RSPO3: variants seen among roughly 807,000 people sequenced by gnomAD.
RSPO3 encodes the protein R-spondin-3.
Under a neutral mutation model 36.5 loss-of-function variants are expected in RSPO3, and 17 were observed. The observed-to-expected ratio is 0.47, with a 90% CI of 0.32 to 0.70. The LOEUF (loss-of-function observed/expected upper bound fraction) is 0.70, where lower values mean the gene tolerates loss of function less well. RSPO3 is among the 30% of genes least tolerant of loss of function. RSPO3 has a pLI of 0.04. For missense variants in RSPO3, 294 were observed against 322.5 expected, an observed-to-expected ratio of 0.91 and a Z score of 0.68; for synonymous variants, 108 against 107.0, an observed-to-expected ratio of 1.01 and a Z score of -0.06.
chr6:127,149,603 C>G (rs1012162255), intron 2 of RSPO3, among the ~76,000 whole-genome samples: 1 of 152,034 alleles, frequency 6.6e-6, no homozygotes, highest in Admixed American at 6.6e-5. Context: ...CCAAAATAAT[C>G]AGCCTGTTCC....
intron 1 of RSPO3, among the ~76,000 whole-genome samples, chr6:127,130,467 C>G (rs534263823): frequency 6.6e-6 from 1 of 152,128 alleles, no homozygotes; most frequent in African/African-American, 2.4e-5. Context: ...TTTTTCTGGC[C>G]AGCTTTTTCT....
At chr6:127,189,240 C>G (rs1046388985) in intron 4 of RSPO3, among the ~76,000 whole-genome samples, 1 of 151,838 alleles carries the variant, frequency 6.6e-6, no homozygotes, top group Non-Finnish European at 1.5e-5. Flanking sequence ...TGTAAATAGT[C>G]CAGCCTAGGA....
At chr6:127,175,118 C>G (rs553563928) in intron 4 of RSPO3, among the ~76,000 whole-genome samples, 1 of 151,804 alleles carries the variant, frequency 6.6e-6, no homozygotes, top group Non-Finnish European at 1.5e-5. Context: ...TTTCAATGCT[C>G]ATTCTCTTTA....
chr6:127,149,161 T>G (rs1485140372), intron 2 of RSPO3, among the ~76,000 whole-genome samples: 1 of 152,118 alleles, frequency 6.6e-6, no homozygotes, highest in Non-Finnish European at 1.5e-5. Flanking sequence ...AATCCAAGTA[T>G]TGACTAACTT....
At chr6:127,187,905 G>T (rs1028565862) in intron 4 of RSPO3, among the ~76,000 whole-genome samples, 1 of 151,920 alleles carries the variant, frequency 6.6e-6, no homozygotes, top group Admixed American at 6.6e-5. Context: ...AGTAAAATTC[G>T]TAAACATTGC....
intron 4 of RSPO3, among the ~76,000 whole-genome samples, chr6:127,169,270 C>T (rs952529238): frequency 1.3e-5 from 2 of 151,520 alleles, no homozygotes; most frequent in African/African-American, 4.8e-5. Flanking sequence ...ACAACTTCTC[C>T]TTCTCAGATG....
At chr6:127,153,726 A>G (rs2114589966) in intron 3 of RSPO3, among the ~76,000 whole-genome samples, 1 of 152,200 alleles carries the variant, frequency 6.6e-6, no homozygotes, top group East Asian at 1.9e-4. Context: ...AGTCCTCTTA[A>G]TTCTGGAATT....
rs1016465293 is a variant in RSPO3, at chr6:127,198,915, C to T, written c.*2908C>T. Among the ~76,000 whole-genome samples, 1 of 152,206 alleles carries T rather than the reference C, an allele frequency of 6.6e-6. No homozygotes were observed. The highest frequency in any genetic ancestry group is 2.4e-5 in the African/African-American group (1 of 41,452). On this transcript the variant is annotated 3_prime_UTR_variant, in exon 5 of 5. Coordinates refer to ENST00000356698, the MANE Select transcript of RSPO3 (RefSeq NM_032784.5). Reference sequence around the variant, plus strand: ...TTTCTCAAAAGTGAAAATGTATAGGCTCTCAGAGGAGACAGATTTAACTCT... The same window carrying T: ...TTTCTCAAAAGTGAAAATGTATAGGTTCTCAGAGGAGACAGATTTAACTCT...
intron 1 of RSPO3, among the ~76,000 whole-genome samples, chr6:127,137,681 G>C (rs17755538): frequency 0.07 from 10,595 of 152,132 alleles, 514 homozygotes; most frequent in Non-Finnish European, 0.11. Context: ...CCTACATAAA[G>C]CATTTTGTTC....
At chr6:127,154,786 T>C (rs1774560062) in intron 3 of RSPO3, among the ~76,000 whole-genome samples, 1 of 152,122 alleles carries the variant, frequency 6.6e-6, no homozygotes, top group Non-Finnish European at 1.5e-5. Context: ...TGGGGGCTAA[T>C]GGAGAAAGGT....
intron 1 of RSPO3, among the ~76,000 whole-genome samples, chr6:127,122,324 T>C (rs1773861923): frequency 6.6e-6 from 1 of 152,236 alleles, no homozygotes; most frequent in Non-Finnish European, 1.5e-5. Context: ...CTATTTGAAT[T>C]GGTATACAGC....
At chr6:127,138,038 T>A (rs1774195818) in intron 1 of RSPO3, among the ~76,000 whole-genome samples, 2 of 152,166 alleles carry the variant, frequency 1.3e-5, no homozygotes, top group African/African-American at 4.8e-5. Context: ...TTATATCACC[T>A]TCGTCAGATT....
intron 4 of RSPO3, among the ~76,000 whole-genome samples, chr6:127,157,558 T>G (rs1774618034): frequency 6.6e-6 from 1 of 152,054 alleles, no homozygotes; most frequent in East Asian, 1.9e-4. Flanking sequence ...AGCTTAAAAG[T>G]GTCTTTCTGA....
chr6:127,147,803 A>G (rs770160076), intron 1 of RSPO3, among the ~76,000 whole-genome samples: 16 of 152,192 alleles, frequency 1.1e-4, no homozygotes, highest in Non-Finnish European at 1.6e-4. Flanking sequence ...CATTCTCACC[A>G]AATATACATT....
At chr6:127,179,400 CAA>C (rs1466460954) in intron 4 of RSPO3, among the ~76,000 whole-genome samples, 1 of 151,766 alleles carries the variant, frequency 6.6e-6, no homozygotes, top group East Asian at 1.9e-4. Flanking sequence ...TTTGCTGGAA[CAA>C]AGTTTTCAAA....
At chr6:127,142,307 A>G (rs1480445259) in intron 1 of RSPO3, among the ~76,000 whole-genome samples, 1 of 152,188 alleles carries the variant, frequency 6.6e-6, no homozygotes, top group Non-Finnish European at 1.5e-5. Flanking sequence ...AAGCTTTAAC[A>G]CATGAACAAA....
At chr6:127,195,723 G>T in intron 4 of RSPO3, 100 bp from the exon 5 acceptor site, 1 of 752,768 alleles carries the variant, frequency 1.3e-6, no homozygotes, top group Non-Finnish European at 2.1e-6. Flanking sequence ...CTATCATTAT[G>T]ATATATAATC....
chr6:127,153,729 C>T (rs1305407889), intron 3 of RSPO3, among the ~76,000 whole-genome samples: 1 of 152,082 alleles, frequency 6.6e-6, no homozygotes, highest in African/African-American at 2.4e-5. Flanking sequence ...CCTCTTAATT[C>T]TGGAATTAAA....
intron 4 of RSPO3, chr6:127,192,498 C>G (rs1012231246): frequency 5.5e-6 from 1 of 182,832 alleles, no homozygotes; most frequent in African/African-American, 2.4e-5. Context: ...TGGTGGCAGA[C>G]CTAGAATTTG....
Sources: gnomAD v4.1 joint callset for allele counts (sites outside exome capture counted in the v4.1 genomes callset) on GRCh38, gnomAD v4.1.1 for gene constraint, MANE v1.5 for transcripts, NCBI Gene and HGNC (gene_info 2026-07-23, HGNC 2026-07-21) for gene names.